PPP6R2: variants seen among roughly 807,000 people sequenced by gnomAD.
PPP6R2 encodes protein phosphatase 6 regulatory subunit 2.
PPP6R2 carries 62 observed loss-of-function variants against 100.2 expected under a neutral mutation model. The ratio of observed to expected loss-of-function variants is 0.62; its 90% CI spans 0.50 to 0.76. The LOEUF is 0.76. Ranked by LOEUF, PPP6R2 falls within the 30% of genes least tolerant of loss-of-function variation. PPP6R2 has a pLI of 0.00. For synonymous variants in PPP6R2, 525 were observed against 514.7 expected, an observed-to-expected ratio of 1.02 and a Z score of -0.27; for missense variants, 1,142 against 1,276.3, an observed-to-expected ratio of 0.89 and a Z score of 1.60.
intron 19 of PPP6R2, among the ~76,000 whole-genome samples, chr22:50,439,371 G>T (rs550652192): frequency 6.6e-6 from 1 of 152,130 alleles, no homozygotes; most frequent in Non-Finnish European, 1.5e-5. Context: ...GTGAGCTGCC[G>T]GCTCTGTGGG....
intron 14 of PPP6R2, 131 bp downstream of exon 14, chr22:50,436,583 A>C (rs1293374318): frequency 1.2e-6 from 1 of 859,420 alleles, no homozygotes; most frequent in South Asian, 1.6e-5. Flanking sequence ...CCTCTTGACT[A>C]TGCGGTGCCC....
At chr22:50,419,774 C>T (rs1174593697) in intron 8 of PPP6R2, among the ~76,000 whole-genome samples, 1 of 152,164 alleles carries the variant, frequency 6.6e-6, no homozygotes, top group East Asian at 1.9e-4. Context: ...CGACAAGTCC[C>T]CACAGCTCCC....
Position 50,394,071 on chromosome 22 carries a change from G to A in PPP6R2, c.163G>A (p.Glu55Lys). Residue 55 changes from glutamate (E) to lysine (K), a missense_variant, in exon 3 of 24, where the codon GAG becomes AAG. Glu to Lys is a moderately conservative substitution (Grantham distance 56, BLOSUM62 1). Transcript: ENST00000612753. ...LDFLCRQQCMEELVSLITQDP... is the reference protein window; with the variant it reads ...LDFLCRQQCMKELVSLITQDP... Reference sequence around the variant, plus strand: ...CTTCCTGTGCAGGCAGCAGTGCATGGAGGAGCTGGTGAGCCTCATCACACA... The same window carrying A: ...CTTCCTGTGCAGGCAGCAGTGCATGAAGGAGCTGGTGAGCCTCATCACACA... The A allele has an allele frequency of 6.2e-7, 1 of 1,614,218 alleles. No individual in the cohort carries two copies. The highest frequency in any genetic ancestry group is 1.1e-5 in the South Asian group (1 of 91,088).
intron 22 of PPP6R2, 95 bp downstream of exon 22, chr22:50,441,121 G>A: frequency 8.9e-7 from 1 of 1,118,772 alleles, no homozygotes; most frequent in Non-Finnish European, 1.2e-6. Flanking sequence ...GAGGAGGTGA[G>A]GCCAGGCCAG....
chr22:50,424,475 G>A (rs2061779958), intron 10 of PPP6R2, among the ~76,000 whole-genome samples: 3 of 149,414 alleles, frequency 2.0e-5, no homozygotes, highest in South Asian at 4.3e-4. Flanking sequence ...TGGAAGGTCC[G>A]TCCGCGTGTG....
chr22:50,417,168 C>A (rs1036972845), intron 6 of PPP6R2, among the ~76,000 whole-genome samples: 2 of 152,102 alleles, frequency 1.3e-5, no homozygotes, highest in Non-Finnish European at 2.9e-5. Context: ...GGGTAGAGGC[C>A]AGCTCCATGG....
Position 50,416,108 on chromosome 22 carries a change from A to G in PPP6R2, c.569A>G (p.Lys190Arg). 6.2e-7 allele frequency: 1 copy of G among 1,613,668 alleles called. No individual in the cohort carries two copies. Among genetic ancestry groups the G allele is most frequent in the Non-Finnish European group, 8.5e-7 (1 of 1,179,582 alleles). ...QDVLHWLNEE[K>R]VIQRLVELIH... ...CTCTTTCAGTGGCTGAATGAAGAGA[A>G]GGTCATCCAGAGGCTTGTGGAGTTG... The change falls in exon 6 of 24, where the codon AAG (lysine) becomes AGG (arginine). Residue 190 changes from lysine (K) to arginine (R), a missense_variant. This residue lies in a region of PPP6R2 where 592 missense variants were observed against 758.9 expected (regional missense o/e 0.78). Transcript: ENST00000612753.
intron 1 of PPP6R2, among the ~76,000 whole-genome samples, chr22:50,353,618 G>T (rs534391150): frequency 2.0e-5 from 3 of 152,094 alleles, no homozygotes; most frequent in Non-Finnish European, 2.9e-5. Context: ...GGCACCCCTC[G>T]ACGTGCTTGA....
chr22:50,342,858 G>A (rs971522058), upstream of PPP6R2, among the ~76,000 whole-genome samples: 18 of 151,922 alleles, frequency 1.2e-4, no homozygotes, highest in African/African-American at 4.4e-4. Flanking sequence ...GAGGGGCCAG[G>A]CCTGGCGCCC....
At chr22:50,380,581 G>A (rs1210021674) in intron 2 of PPP6R2, among the ~76,000 whole-genome samples, 2 of 151,152 alleles carry the variant, frequency 1.3e-5, no homozygotes, top group African/African-American at 4.9e-5. Context: ...GGCTGATCTC[G>A]AACTCCTGAC....
At chr22:50,359,860 C>A (rs2047426773) in intron 1 of PPP6R2, among the ~76,000 whole-genome samples, 2 of 152,084 alleles carry the variant, frequency 1.3e-5, no homozygotes, top group South Asian at 4.1e-4. Context: ...TTGGGAAATT[C>A]TTCATTTCTT....
At chr22:50,375,494 C>T (rs2051291570) in intron 2 of PPP6R2, among the ~76,000 whole-genome samples, 1 of 152,086 alleles carries the variant, frequency 6.6e-6, no homozygotes, top group South Asian at 2.1e-4. Context: ...CTAAAGGAGA[C>T]CCTCCCCACA....
chr22:50,404,146 G>A (rs1430564899), intron 3 of PPP6R2, among the ~76,000 whole-genome samples: 1 of 150,302 alleles, frequency 6.7e-6, no homozygotes, highest in African/African-American at 2.5e-5. Flanking sequence ...CCAGACTGGA[G>A]TGCAGTGGCT....
intron 3 of PPP6R2, among the ~76,000 whole-genome samples, chr22:50,406,478 G>T (rs2058976746): frequency 6.6e-6 from 1 of 152,230 alleles, no homozygotes; most frequent in South Asian, 2.1e-4. Flanking sequence ...TATAGGGCAT[G>T]AGGAGCATAG....
chr22:50,401,507 AT>A (rs756082193), intron 3 of PPP6R2, among the ~76,000 whole-genome samples: 116 of 112,890 alleles, frequency 1.0e-3, no homozygotes, highest in Admixed American at 1.3e-3. Flanking sequence ...CGCCAGGCCA[AT>A]TTTTTTTTTT....
chr22:50,340,300 GGT>G (rs747390994), upstream of PPP6R2, among the ~76,000 whole-genome samples: 7 of 130,430 alleles, frequency 5.4e-5, no homozygotes, highest in Middle Eastern at 5.3e-3. Context: ...TGTGGTATGT[GGT>G]GTGTGTCTCG....
intron 2 of PPP6R2, 147 bp from the exon 3 acceptor site, chr22:50,393,746 G>A: frequency 6.8e-7 from 1 of 1,473,040 alleles, no homozygotes; most frequent in African/African-American, 1.4e-5. Context: ...TGTTCATGCT[G>A]CAGATGGACT....
At chr22:50,378,108 A>C (rs958575121) in intron 2 of PPP6R2, among the ~76,000 whole-genome samples, 4 of 152,234 alleles carry the variant, frequency 2.6e-5, no homozygotes, top group Non-Finnish European at 5.9e-5. Context: ...AAAGCACCAA[A>C]GAGTGTTCTT....
intron 1 of PPP6R2, among the ~76,000 whole-genome samples, chr22:50,370,425 T>C (rs1386478699): frequency 2.0e-5 from 3 of 151,322 alleles, no homozygotes; most frequent in Non-Finnish European, 2.9e-5. Flanking sequence ...GGAGATGGGA[T>C]TACAGGCGCC....
Sources: allele counts gnomAD v4.1 joint callset (sites outside exome capture counted in the v4.1 genomes callset), GRCh38; gene constraint gnomAD v4.1.1; regional missense constraint gnomAD v4.1.1; transcripts MANE v1.5; gene names NCBI Gene and HGNC (gene_info 2026-07-23, HGNC 2026-07-21).